LANCL1: variants seen among roughly 807,000 people sequenced by gnomAD.
LANCL1 encodes the protein glutathione S-transferase LANCL1.
A neutral mutation model predicts 50.6 loss-of-function variants in LANCL1; 50 were observed. The observed-to-expected ratio is 0.99, with a 90% confidence interval of 0.79 to 1.25. The LOEUF is 1.25. Among genes scored for constraint, LANCL1 ranks in the 50% most tolerant of loss-of-function variants. LANCL1 has a pLI of 0.00. For synonymous variants in LANCL1, 188 were observed against 178.6 expected (o/e 1.05, Z -0.42); for missense variants, 532 against 480.7 (o/e 1.11, Z -1.00).
Position 210,437,831 on chromosome 2 carries a change from G to C in LANCL1, c.732C>G (p.Val244=). 6.2e-7 allele frequency: 1 copy of C among 1,610,388 alleles called. No homozygotes were observed. Among genetic ancestry groups the C allele is most frequent in the Non-Finnish European group, 8.5e-7 (1 of 1,178,738 alleles). The change falls in exon 7 of 10, where the codon GTC becomes GTG. Residue 244 remains valine, a synonymous_variant. Coordinates refer to ENST00000450366, the MANE Select transcript of LANCL1 (RefSeq NM_006055.3). ...QVSQGKLHSL[V]KPSVDYVCQL... is the part of the protein sequence containing the mutation. Reference sequence around the variant, plus strand: ...GGCAGACGTAGTCTACACTGGGCTTGACCAAACTATGTAACTTCCCTTGGC... The same window carrying C: ...GGCAGACGTAGTCTACACTGGGCTTCACCAAACTATGTAACTTCCCTTGGC...
Position 210,440,743 on chromosome 2 carries a change from A to G in LANCL1, c.545T>C (p.Ile182Thr). The change falls in exon 6 of 10, where the codon ATT becomes ACT. Residue 182 changes from isoleucine to threonine, a missense_variant and splice_region_variant. By Grantham distance (89) the Ile-to-Thr change is moderately conservative. Transcript: ENST00000450366. ...EKIPQSHIQQICETILTSGEN... is the reference protein window; with the variant it reads ...EKIPQSHIQQTCETILTSGEN... ...TCCAGAGGTTAAAATTGTTTCACAAATCTACAGGGAGAAAACCAACCAAAA... is the reference window on the plus strand; with the variant it reads ...TCCAGAGGTTAAAATTGTTTCACAAGTCTACAGGGAGAAAACCAACCAAAA... 6.2e-7 allele frequency: 1 copy of G among 1,612,014 alleles called. No individual in the cohort carries two copies. Among genetic ancestry groups the G allele is most frequent in the Non-Finnish European group, 8.5e-7 (1 of 1,179,254 alleles).
chr2:210,471,571 A>AC (rs1336817780), intron 3 of LANCL1: 1 of 462,830 alleles, frequency 2.2e-6, no homozygotes, highest in Non-Finnish European at 4.3e-6. Flanking sequence ...TTCTGGACAT[A>AC]TTTTATTCCT....
At chr2:210,436,477 G>C (rs1315195565) in intron 7 of LANCL1, 85 bp from the exon 8 acceptor site, 3 of 1,295,948 alleles carry the variant, frequency 2.3e-6, no homozygotes, top group African/African-American at 2.9e-5. Flanking sequence ...AAGAAGGAAA[G>C]AGGGAGATGG....
At chr2:210,448,779 C>A (rs1389304468) in intron 4 of LANCL1, among the ~76,000 whole-genome samples, 2 of 152,178 alleles carry the variant, frequency 1.3e-5, no homozygotes, top group Non-Finnish European at 2.9e-5. Flanking sequence ...TTCCTTGACA[C>A]ATACACCCTC....
At chr2:210,445,095 TAGA>T (rs1278254509) in intron 4 of LANCL1, among the ~76,000 whole-genome samples, 8 of 152,130 alleles carry the variant, frequency 5.3e-5, no homozygotes, top group East Asian at 1.9e-4. Flanking sequence ...TCAAATTATA[TAGA>T]AGTTCAATAT....
chr2:210,449,223 G>A (rs562072170), intron 4 of LANCL1, among the ~76,000 whole-genome samples: 11 of 152,032 alleles, frequency 7.2e-5, no homozygotes, highest in East Asian at 5.8e-4. Flanking sequence ...AATGTAATCC[G>A]TCACATAAAC....
intron 4 of LANCL1, 21 bp downstream of exon 4, chr2:210,455,086 C>T: frequency 6.3e-7 from 1 of 1,583,762 alleles, no homozygotes; most frequent in Non-Finnish European, 8.7e-7. Flanking sequence ...GAAAATAATC[C>T]TCATATAGAA....
intron 7 of LANCL1, 26 bp downstream of exon 7, chr2:210,437,664 A>G (rs766008266): frequency 1.4e-6 from 2 of 1,419,228 alleles, no homozygotes; most frequent in Non-Finnish European, 1.9e-6. Context: ...ATTTAAAAAA[A>G]TTTATTTCAA....
At chr2:210,442,523 C>T (rs1382204302) in intron 4 of LANCL1, 3 of 152,206 alleles carry the variant, frequency 2.0e-5, no homozygotes, top group East Asian at 1.9e-4. Context: ...GAAAAAGTTA[C>T]TTTCAGTTCT....
intron 3 of LANCL1, chr2:210,471,714 C>T: frequency 1.4e-6 from 1 of 706,628 alleles, no homozygotes; most frequent in Non-Finnish European, 2.6e-6. Context: ...AGTATAGCAG[C>T]CATCCAAATG....
intron 4 of LANCL1, among the ~76,000 whole-genome samples, chr2:210,444,490 T>G (rs1263019481): frequency 1.3e-5 from 2 of 152,004 alleles, no homozygotes; most frequent in Non-Finnish European, 2.9e-5. Flanking sequence ...TATGAAGGAG[T>G]CTTTAAGGGA....
At chr2:210,466,548 C>G (rs1694066552) in intron 3 of LANCL1, among the ~76,000 whole-genome samples, 2 of 152,170 alleles carry the variant, frequency 1.3e-5, no homozygotes, top group African/African-American at 4.8e-5. Context: ...GGTTGCCTTT[C>G]CCTATGGTAT....
Position 210,452,269 on chromosome 2 carries a change from C to T in LANCL1, c.407+2838G>A, listed in dbSNP as rs145645660. Among the ~76,000 whole-genome samples the T allele has an allele frequency of 6.2e-4, 94 of 151,532 alleles. No homozygotes were observed. The East Asian group carries it at 0.013, about 20-fold the overall frequency. ...AAAGATGTCCATTACTGACTCGTCACACTACAAGAAGGGAGGTTATATATT... is the reference window on the plus strand; with the variant it reads ...AAAGATGTCCATTACTGACTCGTCATACTACAAGAAGGGAGGTTATATATT... On this transcript the variant is annotated intron_variant, in intron 4 of 9. Transcript: ENST00000450366.
chr2:210,455,403 T>G (rs894817568), intron 3 of LANCL1, 89 bp from the exon 4 acceptor site: 1 of 1,057,436 alleles, frequency 9.5e-7, no homozygotes, highest in African/African-American at 1.6e-5. Context: ...CAGCGATTTT[T>G]GATAACCTGT....
intron 8 of LANCL1, among the ~76,000 whole-genome samples, chr2:210,435,951 G>C (rs575578091): frequency 7.2e-6 from 1 of 139,632 alleles, no homozygotes; most frequent in African/African-American, 2.7e-5. Flanking sequence ...ACCCAGGCTG[G>C]AGTACAATGG....
At chr2:210,444,177 G>GT (rs1693236878) in intron 4 of LANCL1, among the ~76,000 whole-genome samples, 4 of 152,130 alleles carry the variant, frequency 2.6e-5, no homozygotes, top group Non-Finnish European at 5.9e-5. Context: ...AGTCTCTGGA[G>GT]ACCACCAATA....
chr2:210,434,366 C>A lies in LANCL1; in HGVS notation c.*121G>T. On this transcript the variant is annotated 3_prime_UTR_variant, in exon 10 of 10. Transcript: ENST00000450366. ...AATGAAAGATAAATTCTGAAAAAAGCTAACAAAATCAAGTCCACAGTTTGA... is the reference window on the plus strand; with the variant it reads ...AATGAAAGATAAATTCTGAAAAAAGATAACAAAATCAAGTCCACAGTTTGA... The A allele has an allele frequency of 1.2e-5, 8 of 667,880 alleles. No homozygotes were observed. The highest frequency in any genetic ancestry group is 6.7e-5 in the South Asian group (3 of 45,010). The allele number at this position is 667,880 out of a possible 1,614,324, so 41.4% of individuals were successfully genotyped here.
At chr2:210,437,114 G>A (rs1034080052) in intron 7 of LANCL1, among the ~76,000 whole-genome samples, 4 of 152,132 alleles carry the variant, frequency 2.6e-5, no homozygotes, top group Non-Finnish European at 5.9e-5. Flanking sequence ...AAAAATCTGC[G>A]TTGATTGCAG....
At chr2:210,447,953 G>A (rs961985995) in intron 4 of LANCL1, among the ~76,000 whole-genome samples, 2 of 152,088 alleles carry the variant, frequency 1.3e-5, no homozygotes, top group Non-Finnish European at 2.9e-5. Flanking sequence ...TCAACAAGCA[G>A]AAAATTAACA....
Sources: allele counts gnomAD v4.1 joint callset (sites outside exome capture counted in the v4.1 genomes callset), GRCh38; gene constraint gnomAD v4.1.1; transcripts MANE v1.5; gene names NCBI Gene and HGNC (gene_info 2026-07-23, HGNC 2026-07-21).